PCDHA7: variants seen among roughly 807,000 people sequenced by gnomAD.
The protein encoded by PCDHA7 is protocadherin alpha 7.
In PCDHA7, 37 loss-of-function variants were observed where a neutral mutation model predicts 57.2. The observed-to-expected ratio is 0.65, with a 90% CI of 0.50 to 0.85. The LOEUF is 0.85. Ranked by LOEUF, PCDHA7 falls within the 40% of genes least tolerant of loss-of-function variation. The pLI is 0.00. For missense variants in PCDHA7, 1,188 were observed against 1,241.8 expected (o/e 0.96, Z 0.65); for synonymous variants, 553 against 558.8 (o/e 0.99, Z 0.15).
In PCDHA7 at chr5:141,009,805, A is replaced by G. The variant is rs1358613672; in HGVS notation, c.2682A>G (p.Gln894=). The change falls in exon 4 of 4, where the codon CAA becomes CAG. Residue 894 remains glutamine, a synonymous_variant. Transcript: ENST00000525929. ...ISIRQEPTNS[Q]IDKSDFITFG... ...TCCGGCAGGAGCCTACTAACAGCCAAATTGACAAAAGTGACTTCATAACCT... is the reference window on the plus strand; with the variant it reads ...TCCGGCAGGAGCCTACTAACAGCCAGATTGACAAAAGTGACTTCATAACCT... The G allele has an allele frequency of 3.1e-6, 5 of 1,613,974 alleles. No homozygotes were observed. Among genetic ancestry groups the G allele is most frequent in the African/African-American group, 1.3e-5 (1 of 74,898 alleles).
rs371830340 is a variant in PCDHA7 at position 140,947,864 on chromosome 5, C to G, written c.2356-31085C>G. Reference sequence around the variant, plus strand: ...TTTATTTATTTTGTCATTATAATGGCTAGGACTTCCAGGACAATATAAACA... The same window carrying G: ...TTTATTTATTTTGTCATTATAATGGGTAGGACTTCCAGGACAATATAAACA... On this transcript the variant is annotated intron_variant, in intron 1 of 3. Coordinates refer to ENST00000525929, the MANE Select transcript of PCDHA7 (RefSeq NM_018910.3). Among the ~76,000 whole-genome samples the G allele has an allele frequency of 1.4e-4, 21 of 151,554 alleles. No homozygotes were observed. The East Asian group carries it at 2.3e-3, about 17-fold the overall frequency.
At chr5:140,952,961 A>G (rs531904047) in intron 1 of PCDHA7, among the ~76,000 whole-genome samples, 1 of 152,158 alleles carries the variant, frequency 6.6e-6, no homozygotes, top group East Asian at 1.9e-4. Context: ...GGGAAGTGAT[A>G]CACACTTTTA....
rs782769711 is a variant in PCDHA7, at chr5:140,857,323, C to T, written c.2355+20585C>T. ...TGTCGGCCTATGAGCTGGTGGTGAC[C>T]GCGCGGGACGGGGGCTCGCCTCCGC... On this transcript the variant is annotated intron_variant, in intron 1 of 3. Coordinates refer to ENST00000525929, the MANE Select transcript of PCDHA7 (RefSeq NM_018910.3). The T allele has an allele frequency of 2.5e-6, 4 of 1,598,498 alleles. 1 individual carries two copies. Among genetic ancestry groups the T allele is most frequent in the Admixed American group, 1.7e-5 (1 of 59,312 alleles).
chr5:140,857,036 G>T (rs1174179572), intron 1 of PCDHA7: 1 of 1,596,046 alleles, frequency 6.3e-7, no homozygotes, highest in Non-Finnish European at 8.6e-7. Context: ...CCCACCTATG[G>T]TTGGTCACTG....
At position 140,912,741 on chromosome 5, in the gene PCDHA7, C is replaced by T. The variant is rs371215646; in HGVS notation, c.2356-66208C>T. Among the ~76,000 whole-genome samples the T allele has an allele frequency of 2.1e-3, 323 of 152,182 alleles. 1 individual carries two copies. Among genetic ancestry groups the T allele is most frequent in the African/African-American group, 7.6e-3 (315 of 41,526 alleles). ...ATTCAATATGATGTTGGCTGTGGGT[C>T]TGTCATAGATGGCTTTTATTACTTT... On this transcript the variant is annotated intron_variant, in intron 1 of 3. Transcript: ENST00000525929.
chr5:140,984,386 A>G (rs2097099955), intron 3 of PCDHA7, among the ~76,000 whole-genome samples: 1 of 152,202 alleles, frequency 6.6e-6, no homozygotes, highest in South Asian at 2.1e-4. Flanking sequence ...TTCAGATTCA[A>G]AAAATGTTGA....
chr5:140,939,424 A>G lies in PCDHA7; in HGVS notation c.2356-39525A>G, dbSNP rs186047779. 5.0e-4 allele frequency among the ~76,000 whole-genome samples: 76 copies of G among 152,290 alleles called. 1 individual carries two copies. Among genetic ancestry groups the G allele is most frequent in the Admixed American group, 1.3e-4 (2 of 15,302 alleles). On this transcript the variant is annotated intron_variant, in intron 1 of 3. Coordinates refer to ENST00000525929, the MANE Select transcript of PCDHA7 (RefSeq NM_018910.3). ...GTGTAAATCAGCATTTTTTTCTTCC[A>G]TAAGCATTTGAAGAATTAAGAGTGA...
chr5:140,944,058 G>A (rs185843356), intron 1 of PCDHA7, among the ~76,000 whole-genome samples: 116 of 152,248 alleles, frequency 7.6e-4, no homozygotes, highest in African/African-American at 2.7e-3. Flanking sequence ...ATACAAAAAG[G>A]TTTCTTGTTA....
At chr5:140,937,009 C>A (rs1409113092) in intron 1 of PCDHA7, among the ~76,000 whole-genome samples, 11 of 151,930 alleles carry the variant, frequency 7.2e-5, no homozygotes, top group African/African-American at 1.9e-4. Context: ...AGACAGACAA[C>A]CGATTAACAA....
intron 1 of PCDHA7, chr5:140,855,847 C>A: frequency 3.1e-6 from 2 of 652,288 alleles, no homozygotes; most frequent in Non-Finnish European, 2.6e-6. Context: ...CACCTAAAGC[C>A]ACCGGATGTC....
At chr5:140,885,274 AT>A (rs2153409165) in intron 1 of PCDHA7, among the ~76,000 whole-genome samples, 1 of 152,248 alleles carries the variant, frequency 6.6e-6, no homozygotes, top group South Asian at 2.1e-4. Context: ...ATACATATAT[AT>A]ATACATATAT....
intron 3 of PCDHA7, among the ~76,000 whole-genome samples, chr5:141,009,358 C>G (rs993815936): frequency 8.5e-5 from 13 of 152,116 alleles, no homozygotes; most frequent in Admixed American, 6.6e-5. Flanking sequence ...ACTTGGGAGG[C>G]TAAGATGGGA....
chr5:140,967,775 G>A, intron 1 of PCDHA7: 2 of 1,614,200 alleles, frequency 1.2e-6, no homozygotes, highest in South Asian at 2.2e-5. Context: ...CTATGTGCAG[G>A]CGACTGACCG....
At chr5:140,909,632 A>G (rs781948813) in intron 1 of PCDHA7, among the ~76,000 whole-genome samples, 3 of 152,038 alleles carry the variant, frequency 2.0e-5, no homozygotes, top group South Asian at 2.1e-4. Flanking sequence ...TGGTCTTCCT[A>G]TTTTGTCTTT....
intron 1 of PCDHA7, among the ~76,000 whole-genome samples, chr5:140,971,471 G>A (rs1274091500): frequency 1.3e-5 from 2 of 152,172 alleles, no homozygotes; most frequent in African/African-American, 4.8e-5. Context: ...TATAGGGAGA[G>A]AGTGTCACAT....
chr5:140,891,782 T>C (rs574840881), intron 1 of PCDHA7, among the ~76,000 whole-genome samples: 1 of 152,284 alleles, frequency 6.6e-6, no homozygotes, highest in African/African-American at 2.4e-5. Flanking sequence ...AGGAAATGTT[T>C]AGATTATGAG....
chr5:140,973,782 C>T lies in PCDHA7; in HGVS notation c.2356-5167C>T, dbSNP rs533593200. ...CACAGCCTGGCATATTATAGGTTGCCTATTGGCATGCTGTCTACTTGACAG... is the reference window on the plus strand; with the variant it reads ...CACAGCCTGGCATATTATAGGTTGCTTATTGGCATGCTGTCTACTTGACAG... On this transcript the variant is annotated intron_variant, in intron 1 of 3. Transcript: ENST00000525929. 1.5e-3 allele frequency among the ~76,000 whole-genome samples: 225 copies of T among 152,326 alleles called. 1 individual carries two copies. Among genetic ancestry groups the T allele is most frequent in the African/African-American group, 5.2e-3 (216 of 41,582 alleles).
chr5:140,966,694 C>T, intron 1 of PCDHA7: 1 of 1,358,670 alleles, frequency 7.4e-7, no homozygotes, highest in Non-Finnish European at 9.5e-7. Context: ...GAGGCGGGGC[C>T]CGGGCGTGGG....
chr5:140,868,927 A>T, intron 1 of PCDHA7: 3 of 1,057,856 alleles, frequency 2.8e-6, no homozygotes, highest in Non-Finnish European at 4.0e-6. Flanking sequence ...AAGTTCATTT[A>T]AAGGTTGGTC....
Sources: gnomAD v4.1 joint callset for allele counts (sites outside exome capture counted in the v4.1 genomes callset) on GRCh38, gnomAD v4.1.1 for gene constraint, MANE v1.5 for transcripts, NCBI Gene and HGNC (gene_info 2026-07-23, HGNC 2026-07-21) for gene names.